UGT2A3: variants seen among roughly 807,000 people sequenced by gnomAD.
UGT2A3 encodes UDP-glucuronosyltransferase 2A3.
In UGT2A3, 55 loss-of-function variants were observed where a neutral mutation model predicts 44.1. The ratio of observed to expected loss-of-function variants is 1.25; its 90% CI spans 1.00 to 1.56. UGT2A3 has a LOEUF of 1.56. Among genes scored for constraint, UGT2A3 ranks in the 40% most tolerant of loss-of-function variants. The probability of loss-of-function intolerance (pLI) is 0.00; values close to 1 mark genes in which losing one functional copy is unlikely to be tolerated. For missense variants in UGT2A3, 733 were observed against 621.6 expected (o/e 1.18, Z -1.91); for synonymous variants, 243 against 215.1 (o/e 1.13, Z -1.13).
chr4:68,942,812 G>A lies in UGT2A3; in HGVS notation c.864+2494C>T, dbSNP rs1307007521. On this transcript the variant is annotated intron_variant, in intron 2 of 5. Transcript: ENST00000251566. Reference sequence around the variant, plus strand: ...ATCAATGGATACAACGTTTAAATTTGGAAGAATATGTTCTGTTATTATATT... The same window carrying A: ...ATCAATGGATACAACGTTTAAATTTAGAAGAATATGTTCTGTTATTATATT... 2.0e-5 allele frequency among the ~76,000 whole-genome samples: 3 copies of A among 151,394 alleles called. No homozygotes were observed. The South Asian group carries it at 6.2e-4, about 31-fold the overall frequency.
At chr4:68,937,037 T>G (rs13105937) in intron 2 of UGT2A3, among the ~76,000 whole-genome samples, 73,997 of 151,786 alleles carry the variant, frequency 0.49, 21,358 homozygotes, top group Non-Finnish European at 0.67. Flanking sequence ...ATCCTAAATA[T>G]ATATGCACCC....
intron 1 of UGT2A3, among the ~76,000 whole-genome samples, chr4:68,945,893 C>G (rs1044886841): frequency 6.6e-6 from 1 of 151,640 alleles, no homozygotes; most frequent in African/African-American, 2.4e-5. Flanking sequence ...AATATCTTCA[C>G]TAAATAACAT....
chr4:68,935,548 A>G (rs903643177), intron 2 of UGT2A3, among the ~76,000 whole-genome samples: 6 of 151,844 alleles, frequency 4.0e-5, no homozygotes, highest in African/African-American at 1.5e-4. Context: ...CCAAAACCCC[A>G]TCTGTAGGTC....
At position 68,951,767 on chromosome 4, in the gene UGT2A3, A is replaced by G; in HGVS notation, c.-7T>C. ...CTGACTTGTCAGACCTCATGATGGCAGTTCCCTCACACACTGATCTGCAAT... is the reference window on the plus strand; with the variant it reads ...CTGACTTGTCAGACCTCATGATGGCGGTTCCCTCACACACTGATCTGCAAT... On this transcript the variant is annotated 5_prime_UTR_variant, in exon 1 of 6. Coordinates refer to ENST00000251566, the MANE Select transcript of UGT2A3 (RefSeq NM_024743.4). The G allele has an allele frequency of 6.4e-7, 1 of 1,568,012 alleles. No homozygotes were observed. Among genetic ancestry groups the G allele is most frequent in the Non-Finnish European group, 8.6e-7 (1 of 1,157,628 alleles).
intron 2 of UGT2A3, among the ~76,000 whole-genome samples, chr4:68,944,240 A>C (rs898193272): frequency 1.3e-5 from 2 of 151,840 alleles, no homozygotes; most frequent in Non-Finnish European, 2.9e-5. Context: ...CAAGAGACAC[A>C]GTGGTGTCTT....
At chr4:68,946,393 A>C (rs1718385828) in intron 1 of UGT2A3, among the ~76,000 whole-genome samples, 1 of 151,596 alleles carries the variant, frequency 6.6e-6, no homozygotes, top group Non-Finnish European at 1.5e-5. Context: ...TAGGTCATAA[A>C]TCCAAACGCC....
Position 68,947,210 on chromosome 4 carries a change from T to C in UGT2A3, c.716-1756A>G, listed in dbSNP as rs573817553. On this transcript the variant is annotated intron_variant, in intron 1 of 5. Coordinates refer to ENST00000251566, the MANE Select transcript of UGT2A3 (RefSeq NM_024743.4). ...ATTCTCTCAAACCTTGATGCTGCCTTATCTACTAATTTTGTGTAATATTCT... is the reference window on the plus strand; with the variant it reads ...ATTCTCTCAAACCTTGATGCTGCCTCATCTACTAATTTTGTGTAATATTCT... Among the ~76,000 whole-genome samples, 3 of 151,906 alleles carry C rather than the reference T, an allele frequency of 2.0e-5. No individual in the cohort carries two copies. In the South Asian group the frequency reaches 6.2e-4, roughly 31 times the overall value.
chr4:68,948,508 A>C (rs1263208161), intron 1 of UGT2A3, among the ~76,000 whole-genome samples: 3 of 131,046 alleles, frequency 2.3e-5, no homozygotes, highest in Non-Finnish European at 4.6e-5. Context: ...TGGAGCAATC[A>C]TAGCTCACTG....
chr4:68,944,727 A>C (rs1369377610), intron 2 of UGT2A3, among the ~76,000 whole-genome samples: 3 of 151,794 alleles, frequency 2.0e-5, no homozygotes, highest in Non-Finnish European at 2.9e-5. Context: ...CACGAGCTCA[A>C]AGTGGATAGT....
chr4:68,932,056 A>G (rs1560455347), intron 3 of UGT2A3, among the ~76,000 whole-genome samples: 1 of 151,978 alleles, frequency 6.6e-6, no homozygotes, highest in Non-Finnish European at 1.5e-5. Flanking sequence ...AAATTCTAGA[A>G]TTACAGTAAT....
intron 3 of UGT2A3, among the ~76,000 whole-genome samples, chr4:68,932,326 A>G (rs1188161156): frequency 6.6e-6 from 1 of 151,116 alleles, no homozygotes; most frequent in Non-Finnish European, 1.5e-5. Flanking sequence ...GAAATAATAG[A>G]TGTCAGAATT....
chr4:68,943,449 C>G (rs1269842168), intron 2 of UGT2A3: 8 of 629,136 alleles, frequency 1.3e-5, no homozygotes, highest in Non-Finnish European at 1.5e-5. Flanking sequence ...TACTATAAAA[C>G]CAATAATTTT....
At position 68,929,693 on chromosome 4, in the gene UGT2A3, T is replaced by G. The variant is rs1560453544; in HGVS notation, c.*120A>C. On this transcript the variant is annotated 3_prime_UTR_variant, in exon 6 of 6. Coordinates refer to ENST00000251566, the MANE Select transcript of UGT2A3 (RefSeq NM_024743.4). ...ACCTCATGATCGTGGAATTCTAGGC[T>G]ATATAGCTAAGATAAAATAACAGAA... 1.1e-6 allele frequency: 1 copy of G among 933,000 alleles called. No homozygotes were observed. Among genetic ancestry groups the G allele is most frequent in the Non-Finnish European group, 1.6e-6 (1 of 618,552 alleles). The allele number at this position is 933,000 out of a possible 1,614,324, so 57.8% of individuals were successfully genotyped here. A position where few individuals can be genotyped will look rare whatever the true frequency, so the allele number is the denominator to read the frequency against.
Position 68,951,467 on chromosome 4 carries a change from C to A in UGT2A3, c.294G>T (p.Leu98Phe). 1.9e-6 allele frequency: 3 copies of A among 1,612,492 alleles called. No individual in the cohort carries two copies. The highest frequency in any genetic ancestry group is 2.5e-6 in the Non-Finnish European group (3 of 1,179,228). ...CTGATTGCCAGGTTGATAAGCCTGGCAAGACATTCAGAGCTAGGTCAACAA... is the reference window on the plus strand; with the variant it reads ...CTGATTGCCAGGTTGATAAGCCTGGAAAGACATTCAGAGCTAGGTCAACAA... The part of the protein sequence containing the change: ...EIFVDLALNV[L>F]PGLSTWQSVI... Residue 98 changes from leucine to phenylalanine, a missense_variant, in exon 1 of 6, where the codon TTG (leucine) becomes TTT (phenylalanine). Coordinates refer to ENST00000251566, the MANE Select transcript of UGT2A3 (RefSeq NM_024743.4).
chr4:68,940,814 G>GAC (rs1270253602), intron 2 of UGT2A3, among the ~76,000 whole-genome samples: 1 of 60,332 alleles, frequency 1.7e-5, no homozygotes, highest in Non-Finnish European at 5.9e-5. Flanking sequence ...ATATAGCATA[G>GAC]ATATCACCAA....
rs1717707584 is a variant in UGT2A3 at position 68,930,785 on chromosome 4, A to T, written c.1085-20T>A. On this transcript the variant is annotated intron_variant, in intron 4 of 5. Transcript: ENST00000251566. ...GATGACCTAGTATGTAAATTGGATG[A>T]GAAATGGTGAGATATTTTATTCTAA... 4.6e-6 allele frequency: 7 copies of T among 1,526,228 alleles called. No homozygotes were observed. The highest frequency in any genetic ancestry group is 2.8e-5 in the African/African-American group (2 of 71,544). The allele number at this position is 1,526,228 out of a possible 1,614,324, so 94.5% of individuals were successfully genotyped here.
rs1167953879 is a variant in UGT2A3 at position 68,930,726 on chromosome 4, A to T, written c.1124T>A (p.Met375Lys). The T allele has an allele frequency of 1.2e-6, 2 of 1,611,614 alleles. No individual in the cohort carries two copies. Among genetic ancestry groups the T allele is most frequent in the Admixed American group, 1.7e-5 (1 of 59,652 alleles). ...GTAAATAGCTTCATAGATCCCATTC[A>T]TTCCACCATGAGTGATAAAAGCTTT... is the stretch of plus-strand genomic sequence containing the variant. ...KTKAFITHGG[M>K]NGIYEAIYHG... Residue 375 changes from methionine (M) to lysine (K), a missense_variant, in exon 5 of 6, where the codon ATG (methionine) becomes AAG (lysine). Met to Lys is a moderately conservative substitution (Grantham distance 95). Coordinates refer to ENST00000251566, the MANE Select transcript of UGT2A3 (RefSeq NM_024743.4).
rs569155395 is a variant in UGT2A3, at chr4:68,930,618, A to G, written c.1232T>C (p.Val411Ala). Residue 411 changes from valine to alanine, a missense_variant, in exon 5 of 6, where the codon GTA becomes GCA. By Grantham distance (64) the Val-to-Ala change is moderately conservative. Transcript: ENST00000251566. ...IAHMKAKGAA[V>A]EINFKTMTSE... ...TGTCATAGTTTTGAAGTTTATTTCT[A>G]CAGCTGCTCCTTTGGCCTTCATGTG... 6.2e-7 allele frequency: 1 copy of G among 1,613,552 alleles called. No homozygotes were observed. The highest frequency in any genetic ancestry group is 1.3e-5 in the African/African-American group (1 of 75,008).
intron 2 of UGT2A3, among the ~76,000 whole-genome samples, chr4:68,936,041 C>T (rs980957548): frequency 3.3e-5 from 5 of 152,066 alleles, no homozygotes; most frequent in African/African-American, 7.2e-5. Flanking sequence ...GGAACAAAGC[C>T]TCCAAGAAAT....
Sources: gnomAD v4.1 joint callset for allele counts (sites outside exome capture counted in the v4.1 genomes callset) on GRCh38, gnomAD v4.1.1 for gene constraint, MANE v1.5 for transcripts, NCBI Gene and HGNC (gene_info 2026-07-23, HGNC 2026-07-21) for gene names.